The following TNFRSF10B variants were observed in gnomAD, a reference collection of about 807,000 sequenced individuals.
TNFRSF10B encodes TNF receptor superfamily member 10b.
Under a neutral mutation model 41.4 loss-of-function variants are expected in TNFRSF10B, and 35 were observed. The observed-to-expected ratio is 0.85, with a 90% CI of 0.65 to 1.12. The LOEUF (loss-of-function observed/expected upper bound fraction) is 1.12, where lower values mean the gene tolerates loss of function less well. Ranked by LOEUF, TNFRSF10B falls within the 50% of genes most tolerant of loss-of-function variation. The probability of loss-of-function intolerance (pLI) is 0.00; values close to 1 mark genes in which losing one functional copy is unlikely to be tolerated. For synonymous variants in TNFRSF10B, 230 were observed against 215.5 expected (o/e 1.07, Z -0.59); for missense variants, 584 against 552.7 (o/e 1.06, Z -0.57).
At chr8:23,065,945 A>C (rs573790000) in intron 1 of TNFRSF10B, among the ~76,000 whole-genome samples, 72 of 152,228 alleles carry the variant, frequency 4.7e-4, no homozygotes, top group Non-Finnish European at 8.1e-4. Flanking sequence ...GCTTACAAAT[A>C]TACTCAAGAA....
At chr8:23,036,293 C>T (rs1563311936) in intron 2 of TNFRSF10B, among the ~76,000 whole-genome samples, 1 of 152,168 alleles carries the variant, frequency 6.6e-6, no homozygotes, top group South Asian at 2.1e-4. Context: ...GGTATATATA[C>T]AAAATTGGGC....
Position 23,022,703 on chromosome 8 carries a change from G to C in TNFRSF10B, c.1291C>G (p.Leu431Val). ...HLLSSGKFMY[L>V]EGNADSAMS ...ATGGCAGAGTCTGCATTACCTTCTAGATACATGAACTTTCCAGAGCTCAAC... is the reference window on the plus strand; with the variant it reads ...ATGGCAGAGTCTGCATTACCTTCTACATACATGAACTTTCCAGAGCTCAAC... The change falls in exon 9 of 9, where the codon CTA becomes GTA. Residue 431 changes from leucine to valine, a missense_variant. By Grantham distance (32) the Leu-to-Val change is conservative. Coordinates refer to ENST00000276431, the MANE Select transcript of TNFRSF10B (RefSeq NM_003842.5). 1 of 1,614,024 alleles carries C rather than the reference G, an allele frequency of 6.2e-7. No individual in the cohort carries two copies. The highest frequency in any genetic ancestry group is 8.5e-7 in the Non-Finnish European group (1 of 1,180,012).
intron 3 of TNFRSF10B, among the ~76,000 whole-genome samples, chr8:23,030,542 C>T (rs1346320161): frequency 6.6e-6 from 1 of 152,006 alleles, no homozygotes; most frequent in Non-Finnish European, 1.5e-5. Flanking sequence ...AACTCCTGGG[C>T]TCAAGTGATG....
chr8:23,027,399 G>T, intron 6 of TNFRSF10B, 111 bp from the exon 7 acceptor site: 1 of 1,381,558 alleles, frequency 7.2e-7, no homozygotes, highest in South Asian at 1.2e-5. Flanking sequence ...CCCTCTCAGT[G>T]AGGTCACCGC....
chr8:23,043,105 G>A (rs1236818970), intron 2 of TNFRSF10B, 33 bp downstream of exon 2: 2 of 1,589,008 alleles, frequency 1.3e-6, no homozygotes, highest in Non-Finnish European at 1.7e-6. Flanking sequence ...AAGGGGAGGA[G>A]GGGCAAGGAT....
intron 2 of TNFRSF10B, among the ~76,000 whole-genome samples, chr8:23,033,480 G>A (rs1285477489): frequency 2.7e-5 from 4 of 150,820 alleles, no homozygotes; most frequent in African/African-American, 9.7e-5. Context: ...CCAGCTACTC[G>A]GGAGGCTGAG....
rs145162519 is a variant in TNFRSF10B at position 23,024,977 on chromosome 8, A to AAAAAT, written c.937-722_937-718dup. Among the ~76,000 whole-genome samples the AAAAAT allele has an allele frequency of 8.0e-4, 121 of 152,092 alleles. 1 individual carries two copies. The East Asian group carries it at 0.013, about 17-fold the overall frequency. ...GGCGACATAGCGAGATCCTGTTTCT[A>AAAAAT]AAAATAAAATAAAATAAAATAAAAT... is the stretch of plus-strand genomic sequence containing the variant. On this transcript the variant is annotated intron_variant, in intron 7 of 8. Transcript: ENST00000276431.
At chr8:23,043,078 T>G (rs1373121439) in intron 2 of TNFRSF10B, 60 bp downstream of exon 2, 1 of 1,493,594 alleles carries the variant, frequency 6.7e-7, no homozygotes, top group South Asian at 1.1e-5. Context: ...GGAAACAGAC[T>G]GGAAGCTCAT....
intron 5 of TNFRSF10B, chr8:23,028,058 C>T: frequency 1.7e-6 from 1 of 601,710 alleles, no homozygotes; most frequent in Admixed American, 3.0e-5. Context: ...TGCCCCCTGC[C>T]TGGCTGGGCC....
At chr8:23,044,138 C>T (rs759126216) in intron 1 of TNFRSF10B, among the ~76,000 whole-genome samples, 24 of 152,112 alleles carry the variant, frequency 1.6e-4, no homozygotes, top group South Asian at 2.1e-4. Context: ...ACAATGACCT[C>T]GGACCTTTAA....
intron 2 of TNFRSF10B, among the ~76,000 whole-genome samples, chr8:23,040,649 T>G (rs913494085): frequency 9.2e-5 from 14 of 151,850 alleles, no homozygotes; most frequent in Non-Finnish European, 1.5e-4. Flanking sequence ...AACAAATCTT[T>G]TCTTGTCAAT....
chr8:23,027,753 C>A lies in TNFRSF10B; in HGVS notation c.749G>T (p.Gly250Val). ...CACACGCTCAGGGTCCCCACCACCA[C>A]CTAAAAAAGAAGCAGTCTCCTTAGC... is the stretch of plus-strand genomic sequence containing the variant. ...VLPYLKGICS[G>V]GGGDPERVDR... The change falls in exon 6 of 9, where the codon GGT becomes GTT. Residue 250 changes from glycine to valine, a missense_variant and splice_region_variant. Physicochemically the swap from Gly to Val is moderately radical, Grantham distance 109. Transcript: ENST00000276431. The A allele has an allele frequency of 6.2e-7, 1 of 1,614,040 alleles. No homozygotes were observed. Among genetic ancestry groups the A allele is most frequent in the Non-Finnish European group, 8.5e-7 (1 of 1,179,994 alleles).
chr8:23,040,103 C>A (rs1300347341), intron 2 of TNFRSF10B, among the ~76,000 whole-genome samples: 1 of 151,524 alleles, frequency 6.6e-6, no homozygotes, highest in African/African-American at 2.4e-5. Context: ...ATCGCTTAAA[C>A]CCAGCAGCCA....
chr8:23,031,404 T>C (rs1811880213), intron 2 of TNFRSF10B, among the ~76,000 whole-genome samples: 1 of 151,416 alleles, frequency 6.6e-6, no homozygotes, highest in Admixed American at 6.6e-5. Flanking sequence ...TTTATTTATT[T>C]ATTTATTTAG....
intron 2 of TNFRSF10B, among the ~76,000 whole-genome samples, chr8:23,039,612 G>C (rs1173570588): frequency 6.6e-6 from 1 of 152,136 alleles, no homozygotes; most frequent in Admixed American, 6.5e-5. Flanking sequence ...CACCTTCACA[G>C]AAACATCTAG....
At chr8:23,058,403 T>C (rs1812730791) in intron 1 of TNFRSF10B, among the ~76,000 whole-genome samples, 1 of 152,218 alleles carries the variant, frequency 6.6e-6, no homozygotes, top group Admixed American at 6.5e-5. Context: ...CCAATTTTTG[T>C]CCATTCTATT....
In TNFRSF10B at chr8:23,046,347, CA is replaced by C. The variant is rs549664192; in HGVS notation, c.145-3105del. 1.4e-4 allele frequency among the ~76,000 whole-genome samples: 21 copies of C among 149,036 alleles called. 1 individual carries two copies. Among genetic ancestry groups the C allele is most frequent in the South Asian group, 1.1e-3 (5 of 4,732 alleles). On this transcript the variant is annotated intron_variant, in intron 1 of 8. Coordinates refer to ENST00000276431, the MANE Select transcript of TNFRSF10B (RefSeq NM_003842.5). ...AAAACAAACCTATTAAGAGCAATGA[CA>C]AAAAAAAATTAGTAAATTTAACTAA...
At chr8:23,044,468 C>T (rs547910664) in intron 1 of TNFRSF10B, among the ~76,000 whole-genome samples, 1 of 152,152 alleles carries the variant, frequency 6.6e-6, no homozygotes, top group South Asian at 2.1e-4. Context: ...AACTCAACAA[C>T]AACAACAAAA....
chr8:23,028,672 C>G (rs1215023480), intron 4 of TNFRSF10B, 70 bp from the exon 5 acceptor site: 1 of 1,578,956 alleles, frequency 6.3e-7, no homozygotes, highest in African/African-American at 1.3e-5. Flanking sequence ...GAAAGAGGAG[C>G]CACCCTCCCT....
Sources: gnomAD v4.1 joint callset for allele counts (sites outside exome capture counted in the v4.1 genomes callset) on GRCh38, gnomAD v4.1.1 for gene constraint, MANE v1.5 for transcripts, NCBI Gene and HGNC (gene_info 2026-07-23, HGNC 2026-07-21) for gene names.